Variants in IL1RAP observed in about 807,000 individuals in gnomAD.
The protein encoded by IL1RAP is interleukin 1 receptor accessory protein.
IL1RAP carries 35 observed loss-of-function variants against 60.7 expected under a neutral mutation model. The ratio of observed to expected loss-of-function variants is 0.58; its 90% confidence interval spans 0.44 to 0.76. The LOEUF (loss-of-function observed/expected upper bound fraction) is 0.76, where lower values mean the gene tolerates loss of function less well. IL1RAP is among the 30% of genes least tolerant of loss of function. The pLI, the probability that IL1RAP is intolerant of heterozygous loss-of-function variation, is 0.00. For synonymous variants in IL1RAP, 268 were observed against 250.9 expected, an observed-to-expected ratio of 1.07 and a Z score of -0.64; for missense variants, 572 against 693.9, an observed-to-expected ratio of 0.82 and a Z score of 1.97.
Position 190,564,373 on chromosome 3 carries a change from CAATGTATTAA to C in IL1RAP, c.64+25_64+34del. ...CCTCAGGTAAGTGAATGGCTTTTGA[CAATGTATTAA>C]AATGCAAGTCATGCGTAGGGTAATG... On this transcript the variant is annotated intron_variant, in intron 3 of 11. Transcript: ENST00000447382. The C allele has an allele frequency of 6.4e-7, 1 of 1,566,586 alleles. No individual in the cohort carries two copies. Among genetic ancestry groups the C allele is most frequent in the South Asian group, 1.1e-5 (1 of 90,108 alleles).
At position 190,650,370 on chromosome 3, in the gene IL1RAP, C is replaced by A. The variant is rs1257220274; in HGVS notation, c.*1665C>A. The A allele has an allele frequency of 2.0e-6, 2 of 985,366 alleles. No homozygotes were observed. Among genetic ancestry groups the A allele is most frequent in the African/African-American group, 1.7e-5 (1 of 57,336 alleles). 61.0% of individuals were successfully genotyped at this position (985,366 alleles called of 1,614,324 possible). A position where few individuals can be genotyped will look rare whatever the true frequency, so the allele number is the denominator to read the frequency against. Reference sequence around the variant, plus strand: ...TGGTCACTGCTAAGCAGTAGCCAGCCATCGGGCATTAATTGATTTCCTACT... The same window carrying A: ...TGGTCACTGCTAAGCAGTAGCCAGCAATCGGGCATTAATTGATTTCCTACT... On this transcript the variant is annotated 3_prime_UTR_variant, in exon 12 of 12. Transcript: ENST00000447382.
intron 3 of IL1RAP, among the ~76,000 whole-genome samples, chr3:190,600,660 A>G (rs1729776361): frequency 1.3e-5 from 2 of 152,336 alleles, no homozygotes; most frequent in Non-Finnish European, 2.9e-5. Context: ...AGTAGGACTG[A>G]CTACATCTTC....
At chr3:190,615,527 A>T (rs985722421) in intron 5 of IL1RAP, among the ~76,000 whole-genome samples, 7 of 152,204 alleles carry the variant, frequency 4.6e-5, no homozygotes, top group Non-Finnish European at 8.8e-5. Context: ...CTCACCGAGG[A>T]TCAAAAGAAC....
intron 1 of IL1RAP, among the ~76,000 whole-genome samples, chr3:190,530,393 A>G (rs1722889477): frequency 6.6e-6 from 1 of 152,176 alleles, no homozygotes; most frequent in African/African-American, 2.4e-5. Flanking sequence ...TGAGGATTCT[A>G]TTATAATAAT....
At chr3:190,541,067 T>C (rs1182799161) in intron 1 of IL1RAP, among the ~76,000 whole-genome samples, 1 of 152,094 alleles carries the variant, frequency 6.6e-6, no homozygotes, top group Admixed American at 6.6e-5. Flanking sequence ...GGTAGTTTTT[T>C]AACTTGGTGC....
intron 9 of IL1RAP, among the ~76,000 whole-genome samples, chr3:190,641,261 G>A (rs1469057598): frequency 6.6e-6 from 1 of 152,176 alleles, no homozygotes; most frequent in African/African-American, 2.4e-5. Context: ...CACTGCGCCC[G>A]GCCTCTGATA....
chr3:190,550,958 T>C (rs1273486447), intron 1 of IL1RAP, among the ~76,000 whole-genome samples: 1 of 152,236 alleles, frequency 6.6e-6, no homozygotes, highest in Non-Finnish European at 1.5e-5. Context: ...AGCAAGAATA[T>C]CTGTTTCTAC....
rs566510853 is a variant in IL1RAP, at chr3:190,566,411, A to C, written c.64+2058A>C. ...AAGGATCATGGAGGTTCCAGAAGCT[A>C]ATGAGTGCTGGTGCCTTCCCAGCAG... On this transcript the variant is annotated intron_variant, in intron 3 of 11. Transcript: ENST00000447382. Among the ~76,000 whole-genome samples the C allele has an allele frequency of 4.6e-5, 7 of 152,212 alleles. No homozygotes were observed. The East Asian group carries it at 1.2e-3, about 25-fold the overall frequency.
chr3:190,629,701 G>A, intron 9 of IL1RAP: 2 of 1,284,418 alleles, frequency 1.6e-6, no homozygotes, highest in East Asian at 6.1e-5. Flanking sequence ...GATATTGTTA[G>A]TACCGTAATG....
chr3:190,589,123 T>C (rs1320760424), intron 3 of IL1RAP, among the ~76,000 whole-genome samples: 1 of 152,146 alleles, frequency 6.6e-6, no homozygotes, highest in Non-Finnish European at 1.5e-5. Context: ...GCAGTGGTTT[T>C]CTAAGATGCA....
intron 4 of IL1RAP, among the ~76,000 whole-genome samples, chr3:190,606,424 T>A (rs954455230): frequency 1.3e-5 from 2 of 152,234 alleles, no homozygotes. Flanking sequence ...CTCCTTTTTT[T>A]CTTTGATAAC....
At chr3:190,602,147 A>T (rs1729918692) in intron 3 of IL1RAP, among the ~76,000 whole-genome samples, 1 of 152,156 alleles carries the variant, frequency 6.6e-6, no homozygotes, top group African/African-American at 2.4e-5. Context: ...TTTTCAAATG[A>T]TCGTTAAAAA....
chr3:190,528,502 C>T (rs905393435), intron 1 of IL1RAP, among the ~76,000 whole-genome samples: 75 of 152,204 alleles, frequency 4.9e-4, no homozygotes, highest in South Asian at 6.2e-4. Flanking sequence ...GTTTCAGTTG[C>T]CTGCGTTAAT....
chr3:190,519,317 C>G (rs774727483), intron 1 of IL1RAP, among the ~76,000 whole-genome samples: 51 of 152,120 alleles, frequency 3.4e-4, no homozygotes, highest in African/African-American at 4.8e-5. Flanking sequence ...TCTGAACAAA[C>G]AAAGATGAGC....
At position 190,650,114 on chromosome 3, in the gene IL1RAP, A is replaced by G; in HGVS notation, c.*1409A>G. 2.1e-6 allele frequency: 2 copies of G among 964,632 alleles called. No individual in the cohort carries two copies. The highest frequency in any genetic ancestry group is 2.5e-6 in the Non-Finnish European group (2 of 811,380). The allele number at this position is 964,632 out of a possible 1,614,324, so 59.8% of individuals were successfully genotyped here. On this transcript the variant is annotated 3_prime_UTR_variant, in exon 12 of 12. Transcript: ENST00000447382. ...TGTATGTGTATGTATATGACTTTAA[A>G]TAGCTATGGGTACAATATTAAAAAC...
At chr3:190,598,046 C>T (rs1729531874) in intron 3 of IL1RAP, among the ~76,000 whole-genome samples, 1 of 152,162 alleles carries the variant, frequency 6.6e-6, no homozygotes, top group Non-Finnish European at 1.5e-5. Context: ...TGAATCATGA[C>T]ATCAGAATAT....
At chr3:190,604,525 T>C (rs1730133358) in intron 4 of IL1RAP, 112 bp downstream of exon 4, 2 of 1,102,508 alleles carry the variant, frequency 1.8e-6, no homozygotes, top group African/African-American at 3.2e-5. Flanking sequence ...TTAGATAGAG[T>C]TTAGTGAGGT....
At chr3:190,547,447 A>C (rs1461525627) in intron 1 of IL1RAP, among the ~76,000 whole-genome samples, 1 of 152,232 alleles carries the variant, frequency 6.6e-6, no homozygotes, top group African/African-American at 2.4e-5. Context: ...AGACTCACAC[A>C]GACCTCCTCA....
At chr3:190,611,403 C>T (rs936979619) in intron 5 of IL1RAP, among the ~76,000 whole-genome samples, 3 of 152,036 alleles carry the variant, frequency 2.0e-5, no homozygotes, top group African/African-American at 7.2e-5. Context: ...AAAATCCAGA[C>T]TATGTGAAAC....
Sources: allele counts gnomAD v4.1 joint callset (sites outside exome capture counted in the v4.1 genomes callset), GRCh38; gene constraint gnomAD v4.1.1; transcripts MANE v1.5; gene names NCBI Gene and HGNC (gene_info 2026-07-23, HGNC 2026-07-21).